RPS6KC1: variants seen among roughly 807,000 people sequenced by gnomAD.
RPS6KC1 encodes the protein ribosomal protein S6 kinase C1.
In RPS6KC1, 54 loss-of-function variants were observed where a neutral mutation model predicts 103.8. That is an observed-to-expected ratio of 0.52 (90% CI 0.42 to 0.65). The LOEUF is 0.65. Ranked by LOEUF, RPS6KC1 falls within the 30% of genes least tolerant of loss-of-function variation. The pLI is 0.00. For synonymous variants in RPS6KC1, 439 were observed against 438.7 expected (o/e 1.00, Z -0.01); for missense variants, 1,151 against 1,253.8 (o/e 0.92, Z 1.24).
intron 3 of RPS6KC1, among the ~76,000 whole-genome samples, chr1:213,081,923 C>T (rs1399784962): frequency 6.6e-6 from 1 of 152,172 alleles, no homozygotes; most frequent in Non-Finnish European, 1.5e-5. Flanking sequence ...TAGAGCCACC[C>T]AGCCAAGCCA....
At chr1:213,799,200 C>T in the RPS6KC1 span, among the ~76,000 whole-genome samples, 1 of 152,170 alleles carries the variant, frequency 6.6e-6, no homozygotes, top group Non-Finnish European at 1.5e-5. Context: ...TTTAAGAAGA[C>T]CTGTGTTCTC....
At chr1:213,315,378 T>G in the RPS6KC1 span, among the ~76,000 whole-genome samples, 1 of 152,212 alleles carries the variant, frequency 6.6e-6, no homozygotes, top group Non-Finnish European at 1.5e-5. Context: ...GTCAATCTCC[T>G]GGCAAAAATG....
At chr1:213,602,980 G>A in the RPS6KC1 span, among the ~76,000 whole-genome samples, 2 of 152,192 alleles carry the variant, frequency 1.3e-5, no homozygotes, top group African/African-American at 4.8e-5. Context: ...TGTGGAGTCT[G>A]AGAGATCTCT....
the RPS6KC1 span, among the ~76,000 whole-genome samples, chr1:213,284,426 T>C: frequency 0.97 from 147,823 of 152,048 alleles, 71,994 homozygotes; most frequent in East Asian, 1. Flanking sequence ...GGCACAAGAA[T>C]AGCTTGAACC....
chr1:213,176,557 T>C (rs2091887793), intron 8 of RPS6KC1, 65 bp downstream of exon 8: 7 of 1,078,626 alleles, frequency 6.5e-6, no homozygotes, highest in Non-Finnish European at 9.7e-6. Context: ...ATTCTGTCTT[T>C]GAAGCTTTGG....
the RPS6KC1 span, among the ~76,000 whole-genome samples, chr1:213,470,338 A>G: frequency 1.8e-4 from 28 of 152,152 alleles, no homozygotes; most frequent in Non-Finnish European, 3.2e-4. Context: ...TCTGCATGCA[A>G]AATTATGGAA....
the RPS6KC1 span, among the ~76,000 whole-genome samples, chr1:213,419,942 A>G: frequency 6.6e-6 from 1 of 152,166 alleles, no homozygotes; most frequent in Non-Finnish European, 1.5e-5. Flanking sequence ...AGATATTTTC[A>G]TTGATTTTCT....
the RPS6KC1 span, among the ~76,000 whole-genome samples, chr1:213,806,363 A>C: frequency 6.6e-6 from 1 of 152,212 alleles, no homozygotes; most frequent in Admixed American, 6.6e-5. Context: ...TAAAAAGAAA[A>C]AAAAATCAGT....
chr1:213,662,525 G>A, the RPS6KC1 span, among the ~76,000 whole-genome samples: 17 of 149,004 alleles, frequency 1.1e-4, no homozygotes, highest in South Asian at 4.2e-4. Flanking sequence ...TGATCCACTC[G>A]TCTCAGCCTC....
chr1:213,192,056 GGT>G (rs535102407), intron 8 of RPS6KC1, among the ~76,000 whole-genome samples: 4 of 152,140 alleles, frequency 2.6e-5, no homozygotes, highest in Admixed American at 2.6e-4. Context: ...ACCCAGCTGA[GGT>G]AAGTTTCTTC....
the RPS6KC1 span, among the ~76,000 whole-genome samples, chr1:213,555,126 G>A: frequency 6.6e-6 from 1 of 152,160 alleles, no homozygotes; most frequent in Non-Finnish European, 1.5e-5. Flanking sequence ...CATAAAATCA[G>A]GTGTTCAACT....
chr1:213,741,892 A>G, the RPS6KC1 span, among the ~76,000 whole-genome samples: 1 of 152,178 alleles, frequency 6.6e-6, no homozygotes, highest in Non-Finnish European at 1.5e-5. Flanking sequence ...AAGGAAGAGG[A>G]ATAAATGAGC....
At chr1:213,655,343 T>G in the RPS6KC1 span, among the ~76,000 whole-genome samples, 1 of 152,184 alleles carries the variant, frequency 6.6e-6, no homozygotes, top group African/African-American at 2.4e-5. Context: ...ATTCCCAGCC[T>G]ATGGTATATT....
the RPS6KC1 span, among the ~76,000 whole-genome samples, chr1:213,851,257 C>T: frequency 6.6e-6 from 1 of 152,206 alleles, no homozygotes; most frequent in Non-Finnish European, 1.5e-5. Context: ...CCTTTCACCA[C>T]AAGACATCTT....
At chr1:213,673,487 A>C in the RPS6KC1 span, among the ~76,000 whole-genome samples, 1 of 152,210 alleles carries the variant, frequency 6.6e-6, no homozygotes, top group Non-Finnish European at 1.5e-5. Context: ...GTTTCACTCC[A>C]CAACTTGAAG....
chr1:213,779,163 A>T, the RPS6KC1 span, among the ~76,000 whole-genome samples: 1 of 152,210 alleles, frequency 6.6e-6, no homozygotes. Context: ...TCAGGAGCAC[A>T]ATGAAAGGAT....
chr1:213,323,633 C>A, the RPS6KC1 span, among the ~76,000 whole-genome samples: 8 of 152,158 alleles, frequency 5.3e-5, no homozygotes, highest in Admixed American at 1.3e-4. Context: ...CCCTATTGCC[C>A]CGTTATAAAT....
intron 14 of RPS6KC1, among the ~76,000 whole-genome samples, chr1:213,271,713 G>A (rs1435961791): frequency 7.9e-5 from 11 of 139,986 alleles, no homozygotes; most frequent in African/African-American, 1.1e-4. Flanking sequence ...GCAGTGAGTC[G>A]AGATCGCGCC....
At chr1:213,479,307 A>G in the RPS6KC1 span, among the ~76,000 whole-genome samples, 1 of 152,028 alleles carries the variant, frequency 6.6e-6, no homozygotes, top group Admixed American at 6.5e-5. Flanking sequence ...ATATTACCAA[A>G]TTTATCTTCA....
Sources: gnomAD v4.1 joint callset for allele counts (sites outside exome capture counted in the v4.1 genomes callset) on GRCh38, gnomAD v4.1.1 for gene constraint, MANE v1.5 for transcripts, NCBI Gene and HGNC (gene_info 2026-07-23, HGNC 2026-07-21) for gene names.